The following NLRP13 variants were observed in gnomAD, a reference collection of about 807,000 sequenced individuals.
The protein encoded by NLRP13 is NLR family pyrin domain containing 13, also known as NACHT, LRR and PYD domains-containing protein 13.
NLRP13 carries 82 observed loss-of-function variants against 94.4 expected under a neutral mutation model. The ratio of observed to expected loss-of-function variants is 0.87; its 90% confidence interval spans 0.73 to 1.04. The LOEUF (loss-of-function observed/expected upper bound fraction) is 1.04, where lower values mean the gene tolerates loss of function less well. NLRP13 is among the 50% of genes least tolerant of loss of function. The pLI is 0.00. For missense variants in NLRP13, 1,426 were observed against 1,230.8 expected (o/e 1.16, Z -2.37); for synonymous variants, 553 against 464.7 (o/e 1.19, Z -2.45).
Position 55,907,923 on chromosome 19 carries a change from C to T in NLRP13, c.2316G>A (p.Gln772=). ...TACCCTGAAGGGCAATAATGAGGTC[C>T]TGCAGAACCCACTCAGGAGTTACCG... ...CKSVTPEWVL[Q]DLIIALQGNS... Residue 772 remains glutamine, a synonymous_variant, in exon 7 of 11, where the codon CAG becomes CAA. Transcript: ENST00000342929. 1 of 1,611,942 alleles carries T rather than the reference C, an allele frequency of 6.2e-7. No homozygotes were observed. Among genetic ancestry groups the T allele is most frequent in the Middle Eastern group, 1.7e-4 (1 of 6,036 alleles).
At chr19:55,904,904 T>A in intron 8 of NLRP13, 38 bp downstream of exon 8, 13 of 1,568,734 alleles carry the variant, frequency 8.3e-6, no homozygotes, top group Non-Finnish European at 1.1e-5. Context: ...TCTGTGCCCA[T>A]AGAGTCATAT....
At chr19:55,906,982 T>TA (rs1471543686) in intron 7 of NLRP13, among the ~76,000 whole-genome samples, 1 of 151,790 alleles carries the variant, frequency 6.6e-6, no homozygotes, top group African/African-American at 2.4e-5. Flanking sequence ...TTTTTTGAGT[T>TA]AGAGTCTTGC....
intron 4 of NLRP13, among the ~76,000 whole-genome samples, chr19:55,915,005 AG>A (rs1473020379): frequency 2.6e-5 from 4 of 152,202 alleles, no homozygotes; most frequent in Non-Finnish European, 5.9e-5. Flanking sequence ...AAAACTCAGA[AG>A]AAGAGAATAA....
chr19:55,924,692 AC>A (rs746758223), intron 2 of NLRP13, 34 bp from the exon 3 acceptor site: 1 of 1,579,214 alleles, frequency 6.3e-7, no homozygotes, highest in East Asian at 2.2e-5. Context: ...ATATGAAAAT[AC>A]CCCAGAGTGA....
intron 6 of NLRP13, among the ~76,000 whole-genome samples, chr19:55,908,885 C>A (rs1986425810): frequency 6.6e-6 from 1 of 152,140 alleles, no homozygotes; most frequent in Non-Finnish European, 1.5e-5. Context: ...TACCTAGTGA[C>A]ATACACTTGT....
chr19:55,895,869 C>T, downstream of NLRP13: 4 of 1,505,632 alleles, frequency 2.7e-6, no homozygotes, highest in Admixed American at 3.9e-5. Context: ...CAATGGAAAC[C>T]TGACACATGC....
chr19:55,892,084 TCTC>T (rs1985866339), downstream of NLRP13: 4 of 1,230,712 alleles, frequency 3.3e-6, no homozygotes, highest in Non-Finnish European at 4.1e-6. Context: ...GAGGTCTGTA[TCTC>T]CTCTCTCACT....
At chr19:55,895,921 C>G, downstream of NLRP13, 1 of 1,610,076 alleles carries the variant, frequency 6.2e-7, no homozygotes, top group Non-Finnish European at 8.5e-7. Flanking sequence ...TGTATGTTCT[C>G]CCCTGCAGAA....
At chr19:55,911,562 C>CA (rs1391552538) in intron 5 of NLRP13, 144 bp downstream of exon 5, 2 of 736,716 alleles carry the variant, frequency 2.7e-6, no homozygotes, top group Non-Finnish European at 4.4e-6. Flanking sequence ...AACATTCTTT[C>CA]AAGTTAGAGC....
intron 4 of NLRP13, among the ~76,000 whole-genome samples, chr19:55,921,979 A>C (rs143998681): frequency 0.012 from 1,794 of 152,298 alleles, 39 homozygotes; most frequent in African/African-American, 0.04. Context: ...TATAAAGAAA[A>C]ATAAGTTTGA....
At chr19:55,904,119 G>A (rs112460955) in intron 8 of NLRP13, among the ~76,000 whole-genome samples, 2 of 152,146 alleles carry the variant, frequency 1.3e-5, no homozygotes, top group African/African-American at 4.8e-5. Context: ...TTGAGATGGA[G>A]TCTCACTCTG....
intron 9 of NLRP13, among the ~76,000 whole-genome samples, chr19:55,899,659 A>G (rs1986111244): frequency 6.6e-6 from 1 of 152,172 alleles, no homozygotes; most frequent in African/African-American, 2.4e-5. Flanking sequence ...GGGTGCCTGC[A>G]ATCCCAGCTA....
intron 5 of NLRP13, 137 bp from the exon 6 acceptor site, chr19:55,910,870 A>G (rs8112272): frequency 0.48 from 334,368 of 698,176 alleles, 82,845 homozygotes; most frequent in African/African-American, 0.68. Flanking sequence ...GCAGTGGCTC[A>G]CGCCTGTAAT....
intron 5 of NLRP13, 115 bp downstream of exon 5, chr19:55,911,591 C>A (rs556955940): frequency 1.0e-6 from 1 of 999,166 alleles, no homozygotes; most frequent in Non-Finnish European, 1.5e-6. Flanking sequence ...ACCATTTGGT[C>A]GGAAATAAGC....
intron 4 of NLRP13, among the ~76,000 whole-genome samples, chr19:55,922,252 C>T (rs906671809): frequency 2.0e-5 from 3 of 152,078 alleles, no homozygotes; most frequent in Non-Finnish European, 4.4e-5. Context: ...GATGAGATTT[C>T]GGTGGAGACA....
Position 55,932,106 on chromosome 19 carries a change from G to C in NLRP13, c.206C>G (p.Ser69Cys). Residue 69 changes from serine to cysteine, a missense_variant, in exon 1 of 11, where the codon TCC (serine) becomes TGC (cysteine). Ser to Cys is a moderately radical substitution (Grantham distance 112). Coordinates refer to ENST00000342929, the MANE Select transcript of NLRP13 (RefSeq NM_176810.2). Reference sequence around the variant, plus strand: ...TGGGAAGTGTTCATCCAAAAGAAAGGACAGATTCAAAGGGTCGGCAGCTCT... The same window carrying C: ...TGGGAAGTGTTCATCCAAAAGAAAGCACAGATTCAAAGGGTCGGCAGCTCT... ...NLRAADPLNL[S>C]FLLDEHFPKG... 5.0e-6 allele frequency: 8 copies of C among 1,614,124 alleles called. No individual in the cohort carries two copies. Among genetic ancestry groups the C allele is most frequent in the Non-Finnish European group, 6.8e-6 (8 of 1,180,022 alleles).
At chr19:55,904,879 C>A (rs1353820780) in intron 8 of NLRP13, 63 bp downstream of exon 8, 28 of 1,358,920 alleles carry the variant, frequency 2.1e-5, no homozygotes, top group Non-Finnish European at 2.7e-5. Flanking sequence ...AATGAAGAAA[C>A]CATTGTTCTA....
chr19:55,920,928 AG>A (rs1332473965), intron 4 of NLRP13, among the ~76,000 whole-genome samples: 4 of 152,186 alleles, frequency 2.6e-5, no homozygotes, highest in Non-Finnish European at 4.4e-5. Context: ...ATACACACCC[AG>A]GAATACTACT....
chr19:55,905,154 C>A (rs2123112770), intron 7 of NLRP13, 42 bp from the exon 8 acceptor site: 2 of 1,606,322 alleles, frequency 1.2e-6, no homozygotes, highest in Non-Finnish European at 1.7e-6. Flanking sequence ...AGCCATGATG[C>A]CCAGGTTCCT....
Sources: allele counts gnomAD v4.1 joint callset (sites outside exome capture counted in the v4.1 genomes callset), GRCh38; gene constraint gnomAD v4.1.1; transcripts MANE v1.5; gene names NCBI Gene and HGNC (gene_info 2026-07-23, HGNC 2026-07-21).